The following ARID2 variants were observed in gnomAD, a reference collection of about 807,000 sequenced individuals.
The protein encoded by ARID2 is AT-rich interaction domain 2, also known as AT-rich interactive domain-containing protein 2.
In ARID2, 32 loss-of-function variants were observed where a neutral mutation model predicts 184.6. That is an observed-to-expected ratio of 0.17 (90% confidence interval 0.13 to 0.23). The LOEUF (loss-of-function observed/expected upper bound fraction) is 0.23. Ranked by LOEUF, ARID2 falls within the 10% of genes least tolerant of loss-of-function variation. ARID2 has a pLI of 1.00. For synonymous variants in ARID2, 836 were observed against 772.6 expected (o/e 1.08, Z -1.36); for missense variants, 1,696 against 2,197.6 (o/e 0.77, Z 4.56).
intron 3 of ARID2, among the ~76,000 whole-genome samples, chr12:45,809,195 T>C (rs183623784): frequency 4.4e-4 from 67 of 152,374 alleles, no homozygotes; most frequent in East Asian, 2.7e-3. Context: ...AGATTATTTA[T>C]CTGTAGTCTG....
chr12:45,826,409 G>C (rs1346531228), intron 6 of ARID2, among the ~76,000 whole-genome samples: 1 of 151,824 alleles, frequency 6.6e-6, no homozygotes, highest in Non-Finnish European at 1.5e-5. Context: ...ACAGAGGTTA[G>C]TCTTTATTTT....
intron 3 of ARID2, among the ~76,000 whole-genome samples, chr12:45,781,461 T>G (rs995460099): frequency 1.4e-5 from 2 of 145,912 alleles, no homozygotes; most frequent in Non-Finnish European, 3.0e-5. Context: ...TGATTATGTT[T>G]TGGAATAAAG....
intron 20 of ARID2, among the ~76,000 whole-genome samples, chr12:45,899,787 T>TC (rs1266613195): frequency 2.4e-5 from 2 of 84,400 alleles, no homozygotes; most frequent in South Asian, 3.9e-4. Flanking sequence ...TACCCCCCCC[T>TC]CCCACCTCCA....
intron 3 of ARID2, among the ~76,000 whole-genome samples, chr12:45,761,512 C>G (rs1941678164): frequency 6.6e-6 from 1 of 152,066 alleles, no homozygotes; most frequent in Non-Finnish European, 1.5e-5. Context: ...ATTTGTTTTT[C>G]TACCTCAATA....
chr12:45,830,024 AT>A (rs1465187557), intron 6 of ARID2, among the ~76,000 whole-genome samples: 1 of 149,262 alleles, frequency 6.7e-6, no homozygotes, highest in Non-Finnish European at 1.5e-5. Flanking sequence ...GTTTTTAATA[AT>A]TTTGAAGATT....
intron 3 of ARID2, among the ~76,000 whole-genome samples, chr12:45,782,092 T>TA (rs1942102645): frequency 6.6e-6 from 1 of 152,072 alleles, no homozygotes; most frequent in African/African-American, 2.4e-5. Context: ...AAGTTTTTTT[T>TA]AAAAAAGAGA....
At chr12:45,894,226 A>G (rs1026458481) in intron 20 of ARID2, among the ~76,000 whole-genome samples, 1 of 152,204 alleles carries the variant, frequency 6.6e-6, no homozygotes, top group African/African-American at 2.4e-5. Flanking sequence ...TAGGAGGGAT[A>G]ACTCATTAAT....
chr12:45,768,509 G>A (rs1195109916), intron 3 of ARID2, among the ~76,000 whole-genome samples: 4 of 152,170 alleles, frequency 2.6e-5, no homozygotes, highest in South Asian at 2.1e-4. Context: ...GACTTGCCTA[G>A]GGGGAGAAGT....
At chr12:45,805,309 A>G (rs1942580237) in intron 3 of ARID2, among the ~76,000 whole-genome samples, 2 of 152,102 alleles carry the variant, frequency 1.3e-5, no homozygotes, top group Non-Finnish European at 2.9e-5. Flanking sequence ...ATTTACCTTA[A>G]TATTAACTGT....
chr12:45,858,071 A>G (rs1211096713), intron 15 of ARID2, among the ~76,000 whole-genome samples: 1 of 152,182 alleles, frequency 6.6e-6, no homozygotes, highest in Non-Finnish European at 1.5e-5. Context: ...AGCTAGAGGT[A>G]TCTCTTATAT....
In ARID2 at chr12:45,904,308, G is replaced by C. The variant is rs767943003; in HGVS notation, c.5364-626G>C. On this transcript the variant is annotated intron_variant, in intron 20 of 20. Coordinates refer to ENST00000334344, the MANE Select transcript of ARID2 (RefSeq NM_152641.4). ...AAAGCAACCATTTTGTTCCTCTCCA[G>C]CTGTTTTCTGACACCATTTTCTAAA... 91 of 715,078 alleles carry C rather than the reference G, an allele frequency of 1.3e-4. No individual in the cohort carries two copies. The African/African-American group carries it at 1.3e-3, about 10-fold the overall frequency. The allele number at this position is 715,078 out of a possible 1,614,324, so 44.3% of individuals were successfully genotyped here.
intron 11 of ARID2, among the ~76,000 whole-genome samples, chr12:45,844,172 G>T (rs1382755028): frequency 1.3e-5 from 2 of 151,958 alleles, no homozygotes; most frequent in Non-Finnish European, 2.9e-5. Flanking sequence ...TGAGTAGTTG[G>T]TACTACAAGT....
intron 16 of ARID2, among the ~76,000 whole-genome samples, chr12:45,879,349 G>A (rs1182002178): frequency 6.6e-6 from 1 of 152,180 alleles, no homozygotes; most frequent in Non-Finnish European, 1.5e-5. Flanking sequence ...TATTAGAAAT[G>A]TTTACTCACC....
intron 3 of ARID2, among the ~76,000 whole-genome samples, chr12:45,755,499 C>T (rs752680751): frequency 6.6e-6 from 1 of 152,176 alleles, no homozygotes; most frequent in African/African-American, 2.4e-5. Flanking sequence ...TTAGGCTTAT[C>T]GTTGTAAGTA....
chr12:45,770,714 G>A (rs1941860109), intron 3 of ARID2, among the ~76,000 whole-genome samples: 1 of 152,176 alleles, frequency 6.6e-6, no homozygotes, highest in Non-Finnish European at 1.5e-5. Context: ...TGGTTTCCTA[G>A]TATGCAGAGA....
At chr12:45,880,152 T>C (rs1259416170) in intron 16 of ARID2, among the ~76,000 whole-genome samples, 1 of 152,232 alleles carries the variant, frequency 6.6e-6, no homozygotes, top group African/African-American at 2.4e-5. Flanking sequence ...CTGGAATCTA[T>C]TGCTCCTCAT....
chr12:45,870,774 CTTA>C (rs1287387597), intron 16 of ARID2, among the ~76,000 whole-genome samples: 1 of 152,058 alleles, frequency 6.6e-6, no homozygotes, highest in Non-Finnish European at 1.5e-5. Context: ...TCCATGTCTT[CTTA>C]TTGTTGGATA....
intron 3 of ARID2, among the ~76,000 whole-genome samples, chr12:45,737,027 AAAG>A (rs1941140742): frequency 1.3e-5 from 2 of 152,230 alleles, no homozygotes; most frequent in Admixed American, 1.3e-4. Context: ...TAATGTGATA[AAAG>A]AAATAACAAA....
chr12:45,808,547 T>C (rs1942642308), intron 3 of ARID2, among the ~76,000 whole-genome samples: 1 of 152,130 alleles, frequency 6.6e-6, no homozygotes, highest in Non-Finnish European at 1.5e-5. Context: ...AATGAAACTT[T>C]GAATTATATG....
Sources: gnomAD v4.1 joint callset for allele counts (sites outside exome capture counted in the v4.1 genomes callset) on GRCh38, gnomAD v4.1.1 for gene constraint, MANE v1.5 for transcripts, NCBI Gene and HGNC (gene_info 2026-07-23, HGNC 2026-07-21) for gene names.